The following PCSK5 variants were observed in gnomAD, a reference collection of about 807,000 sequenced individuals.
The protein encoded by PCSK5 is prohormone convertase 5.
Under a neutral mutation model 233.2 loss-of-function variants are expected in PCSK5, and 129 were observed. That is an observed-to-expected ratio of 0.55 (90% confidence interval 0.48 to 0.64). PCSK5 has a LOEUF of 0.64. PCSK5 is among the 30% of genes least tolerant of loss of function. PCSK5 has a pLI of 0.00. For synonymous variants in PCSK5, 825 were observed against 879.2 expected, an observed-to-expected ratio of 0.94 and a Z score of 1.09; for missense variants, 2,076 against 2,430.1, an observed-to-expected ratio of 0.85 and a Z score of 3.06.
chr9:76,003,262 A>G (rs897448141), intron 3 of PCSK5, among the ~76,000 whole-genome samples: 5 of 152,226 alleles, frequency 3.3e-5, no homozygotes, highest in Admixed American at 6.5e-5. Flanking sequence ...AAGAAGAGAC[A>G]GCTGGCAGGC....
At chr9:76,139,555 A>G (rs1564055884) in intron 10 of PCSK5, among the ~76,000 whole-genome samples, 1 of 152,074 alleles carries the variant, frequency 6.6e-6, no homozygotes, top group Non-Finnish European at 1.5e-5. Flanking sequence ...TGCAGAAATG[A>G]GGCCCTTCCT....
intron 15 of PCSK5, among the ~76,000 whole-genome samples, chr9:76,180,104 T>TATATATATATACAC (rs373590869): frequency 6.9e-6 from 1 of 144,898 alleles, no homozygotes; most frequent in African/African-American, 2.6e-5. Context: ...TATATATATA[T>TATATATATATACAC]ACACACACAC....
At position 76,159,045 on chromosome 9, in the gene PCSK5, C is replaced by T. The variant is rs772306441; in HGVS notation, c.1493C>T (p.Pro498Leu). 1.5e-5 allele frequency: 24 copies of T among 1,614,042 alleles called. No individual in the cohort carries two copies. The highest frequency in any genetic ancestry group is 2.2e-5 in the South Asian group (2 of 91,086). Residue 498 changes from proline to leucine, a missense_variant, in exon 12 of 38, where the codon CCC becomes CTC. Around this residue, in one of 6 missense-constraint regions of PCSK5, gnomAD observed 64 missense variants for 68.6 expected, o/e 0.93. Coordinates refer to ENST00000674117, the MANE Select transcript of PCSK5 (RefSeq NM_001372043.1). Reference protein sequence around the residue: ...IYKASGCSDNPNRHVNYLEHV... With the variant: ...IYKASGCSDNLNRHVNYLEHV... ...AAAGCTTCAGGCTGCTCGGATAACC[C>T]CAACCGCCATGTCAACTACCTGGAG... is the stretch of plus-strand genomic sequence containing the variant.
At chr9:76,071,188 T>C (rs1181922600) in intron 6 of PCSK5, among the ~76,000 whole-genome samples, 1 of 152,230 alleles carries the variant, frequency 6.6e-6, no homozygotes, top group Admixed American at 6.5e-5. Context: ...ACAGAGATTA[T>C]TCTTATTTAT....
chr9:76,162,811 TG>T (rs1554696862), intron 12 of PCSK5, among the ~76,000 whole-genome samples: 1 of 152,170 alleles, frequency 6.6e-6, no homozygotes, highest in African/African-American at 2.4e-5. Context: ...CCTACCCCTC[TG>T]GGGGTAGGGG....
intron 9 of PCSK5, among the ~76,000 whole-genome samples, chr9:76,121,283 T>C (rs551576405): frequency 4.6e-4 from 70 of 152,148 alleles, no homozygotes; most frequent in Non-Finnish European, 8.8e-4. Context: ...TTGATATGAT[T>C]TATTAGAATA....
chr9:76,323,293 A>T lies in PCSK5; in HGVS notation c.4339+5A>T, dbSNP rs1462098060. The T allele has an allele frequency of 6.5e-7, 1 of 1,549,470 alleles. No individual in the cohort carries two copies. Among genetic ancestry groups the T allele is most frequent in the Non-Finnish European group, 8.9e-7 (1 of 1,123,252 alleles). On this transcript the variant is annotated splice_donor_5th_base_variant and intron_variant, in intron 32 of 37. Transcript: ENST00000674117. Reference sequence around the variant, plus strand: ...AGGAGACTAAGGAGTGCAGAGGTAAAGACTTCTGGGATTCAAAATAGGCTC... The same window carrying T: ...AGGAGACTAAGGAGTGCAGAGGTAATGACTTCTGGGATTCAAAATAGGCTC...
At chr9:76,353,091 G>A (rs1830208533) in intron 36 of PCSK5, among the ~76,000 whole-genome samples, 1 of 152,112 alleles carries the variant, frequency 6.6e-6, no homozygotes, top group South Asian at 2.1e-4. Flanking sequence ...TAATATGTGA[G>A]ATGCAGGATT....
intron 20 of PCSK5, among the ~76,000 whole-genome samples, chr9:76,220,400 G>A (rs919261574): frequency 2.6e-5 from 4 of 151,832 alleles, no homozygotes; most frequent in Admixed American, 2.0e-4. Flanking sequence ...GGTGGTGGGC[G>A]CCTGTAGTCC....
chr9:76,042,030 A>G (rs1399131367), intron 5 of PCSK5, among the ~76,000 whole-genome samples: 2 of 152,200 alleles, frequency 1.3e-5, no homozygotes, highest in East Asian at 3.9e-4. Context: ...GTTATTCTAC[A>G]GTGCTTGGAG....
chr9:76,193,547 A>C, intron 20 of PCSK5: 1 of 507,422 alleles, frequency 2.0e-6, no homozygotes, highest in Admixed American at 3.7e-5. Context: ...AATGGAAAAA[A>C]AAATAAAACT....
At chr9:75,945,074 ACTC>A (rs1353059270) in intron 2 of PCSK5, among the ~76,000 whole-genome samples, 1 of 151,960 alleles carries the variant, frequency 6.6e-6, no homozygotes, top group Non-Finnish European at 1.5e-5. Context: ...ACACCACTGC[ACTC>A]CAGCCCGGGC....
At chr9:76,282,167 G>C (rs1827896214) in intron 24 of PCSK5, among the ~76,000 whole-genome samples, 1 of 114,718 alleles carries the variant, frequency 8.7e-6, no homozygotes, top group Non-Finnish European at 1.7e-5. Context: ...GCCCAGGCTG[G>C]AGCACAGTGG....
chr9:76,041,216 T>C (rs1432024113), intron 5 of PCSK5, among the ~76,000 whole-genome samples: 5 of 152,238 alleles, frequency 3.3e-5, no homozygotes, highest in Admixed American at 3.3e-4. Context: ...AATTGTAAAC[T>C]AGGGCCATAA....
chr9:76,191,940 A>G (rs1824400366), intron 20 of PCSK5, among the ~76,000 whole-genome samples: 2 of 108,580 alleles, frequency 1.8e-5, no homozygotes, highest in Admixed American at 8.4e-5. Flanking sequence ...TTGGCCAGGC[A>G]TGGTAGCACG....
intron 3 of PCSK5, among the ~76,000 whole-genome samples, chr9:76,018,132 C>T (rs760060377): frequency 2.0e-5 from 3 of 151,466 alleles, no homozygotes; most frequent in Non-Finnish European, 4.4e-5. Context: ...ATGACTTAAT[C>T]AGAAATGGAG....
At chr9:75,937,180 C>CT (rs35148539) in intron 2 of PCSK5, among the ~76,000 whole-genome samples, 2,658 of 136,164 alleles carry the variant, frequency 0.02, 86 homozygotes, top group East Asian at 0.067. Context: ...TAGCATAATT[C>CT]TTTTTTTTTT....
Position 76,310,724 on chromosome 9 carries a change from G to A in PCSK5, c.3757G>A (p.Gly1253Arg), listed in dbSNP as rs754008001. 1 of 1,612,012 alleles carries A rather than the reference G, an allele frequency of 6.2e-7. No homozygotes were observed. The highest frequency in any genetic ancestry group is 8.5e-7 in the Non-Finnish European group (1 of 1,179,480). The change falls in exon 30 of 38, where the codon GGG (glycine) becomes AGG (arginine). Residue 1253 changes from glycine to arginine, a missense_variant. Physicochemically the swap from Gly to Arg is moderately radical, Grantham distance 125 (BLOSUM62 -2). Coordinates refer to ENST00000674117, the MANE Select transcript of PCSK5 (RefSeq NM_001372043.1). ...AGGCACATGGCCTTCCGTAAGGAGT[G>A]GGAGCTGCGAGAACTGTACGGAGGC... Reference protein sequence around the residue: ...PQGTWPSVRSGSCENCTEACA... With the variant: ...PQGTWPSVRSRSCENCTEACA...
At chr9:76,175,229 A>C (rs75214816) in intron 14 of PCSK5, 100 bp downstream of exon 14, 4 of 617,044 alleles carry the variant, frequency 6.5e-6, no homozygotes, top group Non-Finnish European at 1.0e-5. Flanking sequence ...ATGAAATGGA[A>C]TGGAATGAAA....
Sources: allele counts gnomAD v4.1 joint callset (sites outside exome capture counted in the v4.1 genomes callset), GRCh38; gene constraint gnomAD v4.1.1; regional missense constraint gnomAD v4.1.1; transcripts MANE v1.5; gene names NCBI Gene and HGNC (gene_info 2026-07-23, HGNC 2026-07-21).